Variants in ASXL2 observed in about 807,000 individuals in gnomAD.
The protein encoded by ASXL2 is putative Polycomb group protein ASXL2.
A neutral mutation model predicts 122.0 loss-of-function variants in ASXL2; 23 were observed. The observed-to-expected ratio is 0.19, with a 90% confidence interval of 0.14 to 0.27. ASXL2 has a LOEUF of 0.27. Ranked by LOEUF, ASXL2 falls within the 10% of genes least tolerant of loss-of-function variation. ASXL2 has a pLI of 1.00. For synonymous variants in ASXL2, 650 were observed against 637.0 expected (o/e 1.02, Z -0.31); for missense variants, 1,518 against 1,713.8 (o/e 0.89, Z 2.02).
intron 11 of ASXL2, among the ~76,000 whole-genome samples, chr2:25,752,071 C>T (rs568472123): frequency 6.6e-6 from 1 of 152,172 alleles, no homozygotes; most frequent in East Asian, 1.9e-4. Flanking sequence ...CGCAACTGGC[C>T]GCAGTTTATG....
chr2:25,821,456 A>G (rs2089309692), intron 3 of ASXL2, among the ~76,000 whole-genome samples: 1 of 151,928 alleles, frequency 6.6e-6, no homozygotes, highest in Non-Finnish European at 1.5e-5. Context: ...ACACCTCAAT[A>G]AAGTTGTTTT....
chr2:25,808,043 T>C (rs1419827896), intron 3 of ASXL2, among the ~76,000 whole-genome samples: 2 of 124,730 alleles, frequency 1.6e-5, no homozygotes, highest in Non-Finnish European at 3.6e-5. Context: ...AAAGAACAGA[T>C]ACATGACTTA....
Position 25,749,912 on chromosome 2 carries a change from C to T in ASXL2, c.1644G>A (p.Glu548=), listed in dbSNP as rs1474579067. Residue 548 remains glutamate (E), a synonymous_variant, in exon 12 of 13, where the codon GAG becomes GAA. Transcript: ENST00000435504. ...VKPTAGAGPQ[E]TNMKEPLATL... The stretch of plus-strand genomic sequence containing the variant: ...TTGCTAGAGGTTCTTTCATATTAGT[C>T]TCCTGTGGACCCGCTCCTGCTGTGG... 4.3e-6 allele frequency: 7 copies of T among 1,613,090 alleles called. No individual in the cohort carries two copies. Among genetic ancestry groups the T allele is most frequent in the East Asian group, 4.5e-5 (2 of 44,890 alleles).
intron 3 of ASXL2, chr2:25,810,401 G>T: frequency 5.9e-6 from 4 of 683,714 alleles, no homozygotes; most frequent in South Asian, 5.8e-5. Flanking sequence ...CTCTCACTCT[G>T]ATCAGTAGCT....
At chr2:25,768,889 A>G in intron 6 of ASXL2, 21 bp from the exon 7 acceptor site, 4 of 1,608,512 alleles carry the variant, frequency 2.5e-6, no homozygotes, top group East Asian at 2.2e-5. Flanking sequence ...AAAACAGACT[A>G]TAAGAAACAA....
intron 12 of ASXL2, among the ~76,000 whole-genome samples, chr2:25,747,648 T>C (rs561680039): frequency 2.6e-5 from 4 of 152,296 alleles, no homozygotes; most frequent in Admixed American, 1.3e-4. Flanking sequence ...ATAGAAATGA[T>C]GGGTCTTAGC....
chr2:25,825,556 C>T (rs543687595), intron 3 of ASXL2, among the ~76,000 whole-genome samples: 1 of 152,256 alleles, frequency 6.6e-6, no homozygotes, highest in South Asian at 2.1e-4. Context: ...TATTTTTTGT[C>T]TGGCTTATTT....
Position 25,878,230 on chromosome 2 carries a change from C to T in ASXL2, c.-8G>A. 1 of 1,613,758 alleles carries T rather than the reference C, an allele frequency of 6.2e-7. No individual in the cohort carries two copies. On this transcript the variant is annotated 5_prime_UTR_variant, in exon 1 of 13. Transcript: ENST00000435504. ...ACGTCCCTTTTCCCTCATGTCGGGT[C>T]TTGAACTGACTGGGAGGCTCCCGTG...
chr2:25,869,326 T>C (rs1331199504), intron 1 of ASXL2, among the ~76,000 whole-genome samples: 1 of 150,562 alleles, frequency 6.6e-6, no homozygotes, highest in African/African-American at 2.4e-5. Flanking sequence ...TAAAACGTTG[T>C]CTCCAAAAAA....
chr2:25,878,467 A>T lies in ASXL2; in HGVS notation c.-245T>A, dbSNP rs887295202. ...CTGCCATATTGGGTTCTTACTGTAC[A>T]GGCTGCCGCTACGGTCATGTGACCG... On this transcript the variant is annotated 5_prime_UTR_variant, in exon 1 of 13. Transcript: ENST00000435504. 2 of 532,124 alleles carry T rather than the reference A, an allele frequency of 3.8e-6. No homozygotes were observed. The highest frequency in any genetic ancestry group is 2.3e-5 in the South Asian group (1 of 43,558). The allele number at this position is 532,124 out of a possible 1,614,324, so 33.0% of individuals were successfully genotyped here.
At chr2:25,848,381 G>A (rs1292595563) in intron 1 of ASXL2, among the ~76,000 whole-genome samples, 2 of 152,134 alleles carry the variant, frequency 1.3e-5, no homozygotes, top group African/African-American at 4.8e-5. Context: ...CCAGCACTTT[G>A]GGAGGCCGAG....
chr2:25,862,333 G>C (rs1559531471), intron 1 of ASXL2, among the ~76,000 whole-genome samples: 1 of 152,030 alleles, frequency 6.6e-6, no homozygotes, highest in African/African-American at 2.4e-5. Context: ...AAAAACTAAG[G>C]AGCTTCACTT....
At chr2:25,793,626 G>C (rs1280085442) in intron 5 of ASXL2, among the ~76,000 whole-genome samples, 1 of 152,212 alleles carries the variant, frequency 6.6e-6, no homozygotes, top group Non-Finnish European at 1.5e-5. Context: ...AGAATTGATT[G>C]TTGAAGCACT....
chr2:25,773,185 G>A lies in ASXL2; in HGVS notation c.404-1645C>T, dbSNP rs141708203. 2.4e-3 allele frequency among the ~76,000 whole-genome samples: 359 copies of A among 151,710 alleles called. 2 individuals carry two copies. The highest frequency in any genetic ancestry group is 8.3e-3 in the African/African-American group (342 of 41,352). Reference sequence around the variant, plus strand: ...ATCGCACCGTTGCACTCCAGCCTGGGTGACAGAGCGAGAGTCCATCTCAAA... The same window carrying A: ...ATCGCACCGTTGCACTCCAGCCTGGATGACAGAGCGAGAGTCCATCTCAAA... On this transcript the variant is annotated intron_variant, in intron 5 of 12. Transcript: ENST00000435504.
intron 1 of ASXL2, among the ~76,000 whole-genome samples, chr2:25,860,916 G>A (rs1183733557): frequency 6.6e-6 from 1 of 151,504 alleles, no homozygotes. Context: ...GGAGGCTGAG[G>A]TGGGAGGATT....
At chr2:25,869,912 T>TAA (rs35244304) in intron 1 of ASXL2, among the ~76,000 whole-genome samples, 126 of 137,916 alleles carry the variant, frequency 9.1e-4, no homozygotes, top group African/African-American at 3.0e-3. Context: ...AATGAAATAC[T>TAA]AAAAAAAAAA....
intron 2 of ASXL2, among the ~76,000 whole-genome samples, chr2:25,836,505 C>T (rs1328405411): frequency 6.6e-6 from 1 of 152,118 alleles, no homozygotes; most frequent in Non-Finnish European, 1.5e-5. Flanking sequence ...AATAGGTGCT[C>T]TGATTGGTTT....
intron 1 of ASXL2, among the ~76,000 whole-genome samples, chr2:25,847,487 T>C (rs1252083223): frequency 6.6e-6 from 1 of 152,226 alleles, no homozygotes; most frequent in African/African-American, 2.4e-5. Context: ...CACGTTTTGA[T>C]GAAGCGGCAG....
intron 1 of ASXL2, among the ~76,000 whole-genome samples, chr2:25,854,044 C>G (rs2089749146): frequency 1.3e-5 from 2 of 152,114 alleles, no homozygotes; most frequent in South Asian, 4.1e-4. Context: ...TACAGAGAGG[C>G]ACCTACAGAT....
Sources: gnomAD v4.1 joint callset for allele counts (sites outside exome capture counted in the v4.1 genomes callset) on GRCh38, gnomAD v4.1.1 for gene constraint, MANE v1.5 for transcripts, NCBI Gene and HGNC (gene_info 2026-07-23, HGNC 2026-07-21) for gene names.